TCAIM: variants seen among roughly 807,000 people sequenced by gnomAD.
The protein encoded by TCAIM is T cell activation inhibitor, mitochondrial.
TCAIM carries 36 observed loss-of-function variants against 58.6 expected under a neutral mutation model. That is an observed-to-expected ratio of 0.61 (90% CI 0.47 to 0.81). The LOEUF (loss-of-function observed/expected upper bound fraction) is 0.81. TCAIM is among the 30% of genes least tolerant of loss of function. The pLI is 0.00. For missense variants in TCAIM, 466 were observed against 579.6 expected, an observed-to-expected ratio of 0.80 and a Z score of 2.01; for synonymous variants, 172 against 193.6, an observed-to-expected ratio of 0.89 and a Z score of 0.93.
At chr3:44,400,278 C>A in intron 8 of TCAIM, 77 bp from the exon 9 acceptor site, 1 of 1,119,150 alleles carries the variant, frequency 8.9e-7, no homozygotes, top group Non-Finnish European at 1.3e-6. Flanking sequence ...GTCTTAATGC[C>A]ATTTATTGGA....
intron 5 of TCAIM, among the ~76,000 whole-genome samples, chr3:44,370,455 CA>C (rs60988313): frequency 0.014 from 1,275 of 88,254 alleles, 16 homozygotes; most frequent in African/African-American, 0.049. Flanking sequence ...GACTCTGTCT[CA>C]AAAAAAAAAA....
intron 5 of TCAIM, among the ~76,000 whole-genome samples, chr3:44,381,844 T>G (rs1701660860): frequency 6.6e-6 from 1 of 151,808 alleles, no homozygotes; most frequent in Admixed American, 6.6e-5. Flanking sequence ...TAGCAATGAA[T>G]CCAAAAAGGG....
intron 5 of TCAIM, among the ~76,000 whole-genome samples, chr3:44,389,234 G>A (rs958232874): frequency 6.6e-6 from 1 of 152,196 alleles, no homozygotes; most frequent in Non-Finnish European, 1.5e-5. Flanking sequence ...AGGTTGCAGC[G>A]AGCCGAGATC....
At chr3:44,343,576 C>G (rs1700900329) in intron 1 of TCAIM, among the ~76,000 whole-genome samples, 1 of 152,166 alleles carries the variant, frequency 6.6e-6, no homozygotes, top group Non-Finnish European at 1.5e-5. Flanking sequence ...TTAAGCTTAA[C>G]ACATCTCTAT....
In TCAIM at chr3:44,408,411, C is replaced by T. The variant is rs1305814350; in HGVS notation, c.*729C>T. 1 of 152,110 alleles carries T rather than the reference C, an allele frequency of 6.6e-6. No individual in the cohort carries two copies. The highest frequency in any genetic ancestry group is 2.4e-5 in the African/African-American group (1 of 41,408). The allele number at this position is 152,110 out of a possible 1,614,324, so 9.4% of individuals were successfully genotyped here. Reference sequence around the variant, plus strand: ...CCACCAATTTTGCCCAAGAGAAAGACTAGAAGGACTAAAAGCAGTTGAATG... The same window carrying T: ...CCACCAATTTTGCCCAAGAGAAAGATTAGAAGGACTAAAAGCAGTTGAATG... On this transcript the variant is annotated 3_prime_UTR_variant, in exon 11 of 11. Coordinates refer to ENST00000342649, the MANE Select transcript of TCAIM (RefSeq NM_173826.4).
chr3:44,376,256 G>A (rs1227095397), intron 5 of TCAIM, among the ~76,000 whole-genome samples: 2 of 152,142 alleles, frequency 1.3e-5, no homozygotes, highest in African/African-American at 4.8e-5. Flanking sequence ...ACACTTCTGT[G>A]AACATACTAA....
At chr3:44,377,985 G>A (rs765891636) in intron 5 of TCAIM, among the ~76,000 whole-genome samples, 3 of 152,120 alleles carry the variant, frequency 2.0e-5, no homozygotes, top group African/African-American at 4.8e-5. Context: ...CAAAAGAAAC[G>A]ATATATCAAC....
chr3:44,378,898 C>T (rs1276136599), intron 5 of TCAIM, among the ~76,000 whole-genome samples: 1 of 152,004 alleles, frequency 6.6e-6, no homozygotes, highest in Non-Finnish European at 1.5e-5. Context: ...GTTGCTCACA[C>T]CTGTAATCCC....
At chr3:44,371,118 G>T (rs766252756) in intron 5 of TCAIM, among the ~76,000 whole-genome samples, 2 of 151,646 alleles carry the variant, frequency 1.3e-5, no homozygotes, top group Non-Finnish European at 2.9e-5. Context: ...CACCATGTTG[G>T]CTAGACTGGT....
intron 1 of TCAIM, among the ~76,000 whole-genome samples, chr3:44,347,150 A>G (rs1157092994): frequency 2.6e-5 from 4 of 152,164 alleles, no homozygotes; most frequent in Non-Finnish European, 4.4e-5. Context: ...GTGTGTTTTT[A>G]TGAAGAATTA....
At chr3:44,363,787 C>G (rs922757799) in intron 4 of TCAIM, among the ~76,000 whole-genome samples, 1 of 151,966 alleles carries the variant, frequency 6.6e-6, no homozygotes, top group Non-Finnish European at 1.5e-5. Flanking sequence ...ATTTCTTAAA[C>G]AAAAATAGCT....
rs4074329 is a variant in TCAIM, at chr3:44,356,736, C to A, written c.30-1005C>A. 3.4e-5 allele frequency among the ~76,000 whole-genome samples: 5 copies of A among 148,486 alleles called. No individual in the cohort carries two copies. The East Asian group carries it at 1.0e-3, about 30-fold the overall frequency. On this transcript the variant is annotated intron_variant, in intron 2 of 10. Coordinates refer to ENST00000342649, the MANE Select transcript of TCAIM (RefSeq NM_173826.4). The stretch of plus-strand genomic sequence containing the variant: ...ATCCCAGTACTTTGGGAGGCTGAGG[C>A]GGGTGGATTACCTGAGGTCAGGAGT...
intron 5 of TCAIM, among the ~76,000 whole-genome samples, chr3:44,381,297 G>C (rs1452061256): frequency 1.3e-5 from 2 of 151,964 alleles, no homozygotes; most frequent in African/African-American, 4.8e-5. Flanking sequence ...AGAGTACAAG[G>C]ATGGTTCCAC....
chr3:44,344,023 C>CTTTTTTT (rs5848695), intron 1 of TCAIM, among the ~76,000 whole-genome samples: 1 of 118,372 alleles, frequency 8.4e-6, no homozygotes. Context: ...GATGGAAATG[C>CTTTTTTT]TTTTTTTTTT....
intron 3 of TCAIM, chr3:44,358,522 C>T: frequency 2.2e-6 from 1 of 447,526 alleles, no homozygotes; most frequent in East Asian, 4.3e-5. Context: ...ATTCCCTGAA[C>T]AACACAGGAT....
At chr3:44,384,177 T>C (rs1050056644) in intron 5 of TCAIM, among the ~76,000 whole-genome samples, 4 of 152,236 alleles carry the variant, frequency 2.6e-5, no homozygotes, top group African/African-American at 9.6e-5. Context: ...TCTGTGATTA[T>C]AAAATTAAGC....
rs566862379 is a variant in TCAIM, at chr3:44,400,539, T to A, written c.1070T>A (p.Ile357Lys). The stretch of plus-strand genomic sequence containing the variant: ...TATAATAGACTGTTGAAAAGTAGAA[T>A]ACTATTTCACCCTCGAAGTTTGCGT... ...VFYNRLLKSR[I>K]LFHPRSLRGL... Residue 357 changes from isoleucine (I) to lysine (K), a missense_variant, in exon 9 of 11, where the codon ATA (isoleucine) becomes AAA (lysine). Transcript: ENST00000342649. 2.5e-6 allele frequency: 4 copies of A among 1,613,692 alleles called. No individual in the cohort carries two copies. The highest frequency in any genetic ancestry group is 3.3e-5 in the Admixed American group (2 of 59,986).
intron 1 of TCAIM, among the ~76,000 whole-genome samples, chr3:44,349,998 G>T (rs1359101288): frequency 1.3e-5 from 2 of 151,836 alleles, no homozygotes; most frequent in African/African-American, 4.9e-5. Flanking sequence ...TCCCAAGGGA[G>T]ATCCCCCGAT....
chr3:44,378,455 GACAC>G (rs1182883740), intron 5 of TCAIM, among the ~76,000 whole-genome samples: 1 of 151,678 alleles, frequency 6.6e-6, no homozygotes, highest in East Asian at 1.9e-4. Context: ...GACATGAACA[GACAC>G]TTTTCAAAAG....
Sources: allele counts gnomAD v4.1 joint callset (sites outside exome capture counted in the v4.1 genomes callset), GRCh38; gene constraint gnomAD v4.1.1; transcripts MANE v1.5; gene names NCBI Gene and HGNC (gene_info 2026-07-23, HGNC 2026-07-21).